The following LRRC49 variants were observed in gnomAD, a reference collection of about 807,000 sequenced individuals.
The protein encoded by LRRC49 is leucine-rich repeat-containing protein 49.
In LRRC49, 50 loss-of-function variants were observed where a neutral mutation model predicts 83.3. That is an observed-to-expected ratio of 0.60 (90% CI 0.48 to 0.76). The LOEUF (loss-of-function observed/expected upper bound fraction) is 0.76. LRRC49 is among the 30% of genes least tolerant of loss of function. The pLI, the probability that LRRC49 is intolerant of heterozygous loss-of-function variation, is 0.00. For missense variants in LRRC49, 704 were observed against 809.1 expected (o/e 0.87, Z 1.58); for synonymous variants, 286 against 283.3 (o/e 1.01, Z -0.10).
chr15:71,041,871 A>G (rs979735610), intron 15 of LRRC49, among the ~76,000 whole-genome samples: 1 of 152,194 alleles, frequency 6.6e-6, no homozygotes, highest in African/African-American at 2.4e-5. Flanking sequence ...ATACCTATCA[A>G]TTAAAACAGG....
At chr15:70,938,071 A>G (rs1331187182) in intron 8 of LRRC49, among the ~76,000 whole-genome samples, 4 of 152,114 alleles carry the variant, frequency 2.6e-5, no homozygotes, top group Admixed American at 2.6e-4. Context: ...AGATTCCCCC[A>G]ACCTGTGGTG....
chr15:70,880,941 A>T (rs550434951), intron 2 of LRRC49, among the ~76,000 whole-genome samples: 12 of 152,356 alleles, frequency 7.9e-5, no homozygotes, highest in African/African-American at 2.6e-4. Flanking sequence ...CTCTTAAAAC[A>T]GGCCAGGTCC....
At chr15:70,892,532 G>A, upstream of LRRC49, 1 of 1,514,394 alleles carries the variant, frequency 6.6e-7, no homozygotes, top group East Asian at 2.5e-5. Flanking sequence ...TACAAATTTC[G>A]CGCGGGCAGC....
intron 10 of LRRC49, among the ~76,000 whole-genome samples, chr15:70,981,435 GTATACC>G (rs1034361849): frequency 2.0e-5 from 3 of 151,430 alleles, no homozygotes. Flanking sequence ...CATGGCACAT[GTATACC>G]TATGTAACAA....
intron 10 of LRRC49, among the ~76,000 whole-genome samples, chr15:70,982,260 C>G (rs915287120): frequency 1.3e-5 from 2 of 152,066 alleles, no homozygotes; most frequent in African/African-American, 2.4e-5. Context: ...AGCCAGAAAT[C>G]CAAAAGCATG....
chr15:71,048,455 G>C (rs1220019766), intron 15 of LRRC49, among the ~76,000 whole-genome samples: 1 of 152,092 alleles, frequency 6.6e-6, no homozygotes, highest in Non-Finnish European at 1.5e-5. Context: ...GTTTTGACTT[G>C]AGTTGGAGAT....
intron 8 of LRRC49, among the ~76,000 whole-genome samples, chr15:70,940,251 ATTTT>A (rs398027829): frequency 3.4e-5 from 3 of 87,074 alleles, no homozygotes; most frequent in African/African-American, 3.9e-5. Context: ...GAATATATGG[ATTTT>A]TTTTTTTTTT....
intron 8 of LRRC49, among the ~76,000 whole-genome samples, chr15:70,944,682 G>C (rs1396626502): frequency 2.0e-5 from 3 of 152,142 alleles, no homozygotes; most frequent in African/African-American, 7.2e-5. Context: ...TGTGATTACA[G>C]GCGTGAGCCA....
At chr15:70,861,578 A>G (rs1180251595) in intron 1 of LRRC49, among the ~76,000 whole-genome samples, 1 of 152,034 alleles carries the variant, frequency 6.6e-6, no homozygotes, top group Admixed American at 6.6e-5. Flanking sequence ...CAAAGCAACA[A>G]CATCCCCAGT....
intron 11 of LRRC49, among the ~76,000 whole-genome samples, chr15:71,001,945 C>T: frequency 6.6e-6 from 1 of 152,184 alleles, no homozygotes; most frequent in East Asian, 1.9e-4. Context: ...CCCACCTCGG[C>T]CTCCCAAAGT....
rs2033670736 is a variant in LRRC49 at position 70,893,328 on chromosome 15, GT to G, written c.49-255del. 6.2e-5 allele frequency: 35 copies of G among 561,834 alleles called. No individual in the cohort carries two copies. The South Asian group carries it at 7.3e-4, about 12-fold the overall frequency. 34.8% of individuals were successfully genotyped at this position (561,834 alleles called of 1,614,324 possible). ...GTTTATTTAGACCTGAATGGCAAAT[GT>G]CGAAAGCCTGAGGTACTAACTAGAG... On this transcript the variant is annotated intron_variant, in intron 1 of 15. Transcript: ENST00000260382.
intron 11 of LRRC49, among the ~76,000 whole-genome samples, chr15:70,997,084 C>T (rs1024571891): frequency 4.6e-5 from 7 of 152,068 alleles, no homozygotes; most frequent in African/African-American, 1.7e-4. Flanking sequence ...TACTTCAAGT[C>T]CTCTTTACTT....
At chr15:70,983,406 T>C (rs892816579) in intron 10 of LRRC49, among the ~76,000 whole-genome samples, 2 of 152,144 alleles carry the variant, frequency 1.3e-5, no homozygotes, top group African/African-American at 4.8e-5. Flanking sequence ...CAATCTGTTA[T>C]AAGCTCCAGG....
chr15:71,040,793 C>G (rs2039676987), intron 15 of LRRC49, among the ~76,000 whole-genome samples: 1 of 136,878 alleles, frequency 7.3e-6, no homozygotes, highest in Non-Finnish European at 1.5e-5. Flanking sequence ...GTACTCCAGC[C>G]TGGGCAACAA....
At chr15:70,871,679 C>T (rs1316312037) in intron 1 of LRRC49, among the ~76,000 whole-genome samples, 19 of 149,390 alleles carry the variant, frequency 1.3e-4, no homozygotes, top group African/African-American at 3.7e-4. Flanking sequence ...ACTTCTCAGA[C>T]GGGGCGGCCA....
chr15:70,948,593 A>G (rs139896637), intron 8 of LRRC49, among the ~76,000 whole-genome samples: 1 of 151,730 alleles, frequency 6.6e-6, no homozygotes, highest in Non-Finnish European at 1.5e-5. Flanking sequence ...ATTTCTCAAG[A>G]AGGGTCCTGT....
chr15:70,893,035 G>A, intron 1 of LRRC49, 93 bp downstream of exon 1: 1 of 1,365,602 alleles, frequency 7.3e-7, no homozygotes, highest in Non-Finnish European at 1.0e-6. Flanking sequence ...TATTAGGACC[G>A]GCACCGCTGG....
chr15:70,871,434 G>A (rs1426187372), intron 1 of LRRC49, among the ~76,000 whole-genome samples: 1 of 151,662 alleles, frequency 6.6e-6, no homozygotes. Context: ...AACCCCCATC[G>A]TCATCATGGC....
At chr15:70,861,422 CCTT>C (rs1464461523) in intron 1 of LRRC49, among the ~76,000 whole-genome samples, 8 of 88,408 alleles carry the variant, frequency 9.0e-5, no homozygotes, top group African/African-American at 2.2e-4. Flanking sequence ...ATTCTTTATT[CCTT>C]CTTCTTCTCT....
Sources: allele counts gnomAD v4.1 joint callset (sites outside exome capture counted in the v4.1 genomes callset), GRCh38; gene constraint gnomAD v4.1.1; transcripts MANE v1.5; gene names NCBI Gene and HGNC (gene_info 2026-07-23, HGNC 2026-07-21).